The following VRK2 variants were observed in gnomAD, a reference collection of about 807,000 sequenced individuals.
VRK2 encodes the protein serine/threonine-protein kinase VRK2.
Under a neutral mutation model 57.6 loss-of-function variants are expected in VRK2, and 60 were observed. The observed-to-expected ratio is 1.04, with a 90% CI of 0.85 to 1.29. The LOEUF (loss-of-function observed/expected upper bound fraction) is 1.29, where lower values mean the gene tolerates loss of function less well. VRK2 is among the 50% of genes most tolerant of loss of function. The pLI is 0.00. For missense variants in VRK2, 705 were observed against 588.1 expected, an observed-to-expected ratio of 1.20 and a Z score of -2.06; for synonymous variants, 231 against 199.2, an observed-to-expected ratio of 1.16 and a Z score of -1.35.
At chr2:58,023,193 G>T (rs1156966852) in intron 1 of VRK2, among the ~76,000 whole-genome samples, 2 of 152,074 alleles carry the variant, frequency 1.3e-5, no homozygotes, top group African/African-American at 2.4e-5. Flanking sequence ...GTATGAATTT[G>T]ACTACTTTAG....
At chr2:58,040,103 T>C (rs1674399131) in intron 3 of VRK2, among the ~76,000 whole-genome samples, 1 of 151,860 alleles carries the variant, frequency 6.6e-6, no homozygotes, top group Non-Finnish European at 1.5e-5. Context: ...TATTAATAAT[T>C]TTTGGTAGAG....
At chr2:57,967,234 G>A (rs1270181681) in intron 1 of VRK2, among the ~76,000 whole-genome samples, 1 of 152,082 alleles carries the variant, frequency 6.6e-6, no homozygotes, top group Non-Finnish European at 1.5e-5. Context: ...GCGGGTGCGG[G>A]GCTAGGGGAG....
chr2:58,133,158 C>G (rs1679462586), intron 9 of VRK2, among the ~76,000 whole-genome samples: 1 of 151,932 alleles, frequency 6.6e-6, no homozygotes, highest in East Asian at 1.9e-4. Flanking sequence ...CTTGCTTTAA[C>G]TTTTTATCAA....
chr2:57,961,951 C>T (rs560894157), intron 1 of VRK2, among the ~76,000 whole-genome samples: 1 of 152,202 alleles, frequency 6.6e-6, no homozygotes, highest in African/African-American at 2.4e-5. Flanking sequence ...GTGGCAAATG[C>T]CTGTAGTCCC....
chr2:57,983,841 T>C (rs1345468511), intron 1 of VRK2, among the ~76,000 whole-genome samples: 2 of 152,238 alleles, frequency 1.3e-5, no homozygotes, highest in Non-Finnish European at 2.9e-5. Flanking sequence ...AAATAGTTGA[T>C]GAAATAATTG....
intron 2 of VRK2, among the ~76,000 whole-genome samples, chr2:58,059,148 T>A (rs1676965030): frequency 6.6e-6 from 1 of 152,028 alleles, no homozygotes; most frequent in African/African-American, 2.4e-5. Flanking sequence ...CATCTGATAT[T>A]TATAGTAAAC....
chr2:58,086,799 A>G (rs1671679144), intron 5 of VRK2, among the ~76,000 whole-genome samples: 2 of 152,312 alleles, frequency 1.3e-5, no homozygotes, highest in South Asian at 2.1e-4. Context: ...TGCATAAGCT[A>G]CCTGAGTGTT....
Position 58,126,666 on chromosome 2 carries a change from C to T in VRK2, c.676+3433C>T, listed in dbSNP as rs556561053. Among the ~76,000 whole-genome samples, 6 of 152,016 alleles carry T rather than the reference C, an allele frequency of 3.9e-5. No individual in the cohort carries two copies. In the South Asian group the frequency reaches 8.3e-4, roughly 21 times the overall value. ...AAACTCAATTCTCTTGTGTGACCTA[C>T]AGGTATTTTGTAAGTGGCTAAAGTG... On this transcript the variant is annotated intron_variant, in intron 8 of 12. Transcript: ENST00000340157.
At chr2:57,935,794 G>A (rs977041407) in intron 1 of VRK2, among the ~76,000 whole-genome samples, 3 of 152,186 alleles carry the variant, frequency 2.0e-5, no homozygotes, top group Non-Finnish European at 2.9e-5. Context: ...CTTACTTTCT[G>A]TCATTAGAGA....
intron 7 of VRK2, among the ~76,000 whole-genome samples, chr2:58,111,147 A>G (rs1675509579): frequency 6.6e-6 from 1 of 152,234 alleles, no homozygotes; most frequent in Non-Finnish European, 1.5e-5. Flanking sequence ...GGAGTCGAGA[A>G]GTTCACTAAA....
At chr2:58,085,318 G>C (rs1375458364) in intron 4 of VRK2, among the ~76,000 whole-genome samples, 1 of 151,890 alleles carries the variant, frequency 6.6e-6, no homozygotes. Flanking sequence ...ATGGGAAGTA[G>C]ATATATGTAT....
Position 58,146,331 on chromosome 2 carries a change from G to A in VRK2, c.1039G>A (p.Ala347Thr). The change falls in exon 12 of 13, where the codon GCT (alanine) becomes ACT (threonine). Residue 347 changes from alanine (A) to threonine (T), a missense_variant. By Grantham distance (58) the Ala-to-Thr change is moderately conservative. Transcript: ENST00000340157. The part of the protein sequence containing the change: ...PNSQKVDSQK[A>T]ATKQVNKAHN... The stretch of plus-strand genomic sequence containing the variant: ...ATACCAACAGGTTGATTCACAAAAG[G>A]CTGCAACAAAGCAAGTCAACAAGGC... The A allele has an allele frequency of 1.2e-6, 2 of 1,609,428 alleles. No homozygotes were observed.
chr2:58,038,599 C>G (rs184457597), intron 3 of VRK2, among the ~76,000 whole-genome samples: 29 of 152,224 alleles, frequency 1.9e-4, no homozygotes, highest in African/African-American at 6.7e-4. Flanking sequence ...CTTATCTACC[C>G]CAGATTTACC....
intron 1 of VRK2, among the ~76,000 whole-genome samples, chr2:57,935,931 G>A (rs1014105751): frequency 6.6e-6 from 1 of 152,168 alleles, no homozygotes; most frequent in African/African-American, 2.4e-5. Context: ...GCTCCAAGGT[G>A]TGCTGGGACT....
In VRK2 at chr2:58,015,318, T is replaced by C. The variant is rs183330673; in HGVS notation, c.-438-10347T>C. Among the ~76,000 whole-genome samples, 119 of 152,338 alleles carry C rather than the reference T, an allele frequency of 7.8e-4. 1 individual carries two copies. The highest frequency in any genetic ancestry group is 1.0e-3 in the Non-Finnish European group (68 of 68,028). ...TTCAACTAATTATTAATTAACATTGTTAATATGATGCAGTATAATGTTTGT... is the reference window on the plus strand; with the variant it reads ...TTCAACTAATTATTAATTAACATTGCTAATATGATGCAGTATAATGTTTGT... On this transcript the variant is annotated intron_variant, in intron 1 of 15. Coordinates refer to the VRK2 transcript ENST00000417641.
rs1336829435 is a variant in VRK2, at chr2:58,113,129, T to C, written c.544-9972T>C. On this transcript the variant is annotated intron_variant, in intron 7 of 12. Transcript: ENST00000340157. Reference sequence around the variant, plus strand: ...TTCCAGACTAGCCTGGCCAACATGGTGAAACCCCGTCTCTACTAAAAATAC... The same window carrying C: ...TTCCAGACTAGCCTGGCCAACATGGCGAAACCCCGTCTCTACTAAAAATAC... Among the ~76,000 whole-genome samples, 7 of 151,870 alleles carry C rather than the reference T, an allele frequency of 4.6e-5. No homozygotes were observed. In the East Asian group the frequency reaches 1.2e-3, roughly 25 times the overall value.
At chr2:57,982,953 G>C (rs1672477464) in intron 1 of VRK2, among the ~76,000 whole-genome samples, 1 of 152,192 alleles carries the variant, frequency 6.6e-6, no homozygotes, top group Non-Finnish European at 1.5e-5. Flanking sequence ...GTGTTGTGGA[G>C]TCTCCCGCAG....
chr2:58,046,475 C>T (rs1283130264), upstream of VRK2: 1 of 984,282 alleles, frequency 1.0e-6, no homozygotes, highest in Non-Finnish European at 1.2e-6. Flanking sequence ...GGTTGTGGTA[C>T]AGGAGATCTA....
At chr2:58,118,389 T>C (rs1273131834) in intron 7 of VRK2, among the ~76,000 whole-genome samples, 1 of 152,220 alleles carries the variant, frequency 6.6e-6, no homozygotes, top group Non-Finnish European at 1.5e-5. Flanking sequence ...ACCGGAGTTT[T>C]GGGTCCATGG....
Sources: gnomAD v4.1 joint callset for allele counts (sites outside exome capture counted in the v4.1 genomes callset) on GRCh38, gnomAD v4.1.1 for gene constraint, MANE v1.5 for transcripts, NCBI Gene and HGNC (gene_info 2026-07-23, HGNC 2026-07-21) for gene names.